Variants in PLK4 observed in about 807,000 individuals in gnomAD.
PLK4 encodes the protein polo like kinase 4.
In PLK4, 51 loss-of-function variants were observed where a neutral mutation model predicts 103.0. The ratio of observed to expected loss-of-function variants is 0.50; its 90% CI spans 0.40 to 0.63. The LOEUF is 0.63. Ranked by LOEUF, PLK4 falls within the 20% of genes least tolerant of loss-of-function variation. The pLI, the probability that PLK4 is intolerant of heterozygous loss-of-function variation, is 0.00. For synonymous variants in PLK4, 389 were observed against 376.8 expected (o/e 1.03, Z -0.38); for missense variants, 1,054 against 1,151.0 (o/e 0.92, Z 1.22).
chr4:127,884,118 C>G (rs765319639), intron 4 of PLK4, among the ~76,000 whole-genome samples: 4 of 152,176 alleles, frequency 2.6e-5, no homozygotes, highest in Non-Finnish European at 5.9e-5. Flanking sequence ...AACGTAGCCA[C>G]AAAGTCATTA....
chr4:127,894,115 C>T (rs1427200028), intron 13 of PLK4, among the ~76,000 whole-genome samples: 4 of 152,186 alleles, frequency 2.6e-5, no homozygotes, highest in African/African-American at 9.7e-5. Context: ...CTCTTTTCCC[C>T]AACCACTTAA....
At chr4:127,884,378 C>T (rs1462079371) in intron 4 of PLK4, among the ~76,000 whole-genome samples, 4 of 151,996 alleles carry the variant, frequency 2.6e-5, no homozygotes, top group Admixed American at 6.6e-5. Context: ...TTTAGAGTTA[C>T]GGAAATATTT....
At position 127,887,491 on chromosome 4, in the gene PLK4, TAAATG is replaced by T; in HGVS notation, c.1455_1459del (p.Asn486SerfsTer7). On this transcript the variant is annotated frameshift_variant and splice_region_variant, in exon 6 of 16. Coordinates refer to ENST00000270861, the MANE Select transcript of PLK4 (RefSeq NM_014264.5). LOFTEE classifies it high-confidence loss of function. ...CAACAGTGGTTTGGGAATCTGCAAA[TAAATG>T]GTGAGTTTTTAATGGAGTATTTAAT... The T allele has an allele frequency of 6.4e-7, 1 of 1,572,924 alleles. No homozygotes were observed. The highest frequency in any genetic ancestry group is 8.7e-7 in the Non-Finnish European group (1 of 1,145,154).
At chr4:127,882,698 T>C (rs1288371390) in intron 2 of PLK4, among the ~76,000 whole-genome samples, 1 of 151,846 alleles carries the variant, frequency 6.6e-6, no homozygotes, top group Non-Finnish European at 1.5e-5. Context: ...GCAGAGGTTG[T>C]GGTGAGCTGA....
chr4:127,889,683 G>A (rs138338228), intron 6 of PLK4, among the ~76,000 whole-genome samples, 183 bp from the exon 7 acceptor site: 26 of 152,250 alleles, frequency 1.7e-4, no homozygotes, highest in African/African-American at 4.8e-4. Flanking sequence ...GGTTTAAAAT[G>A]TTCTTTCAAA....
rs1036459908 is a variant in PLK4 at position 127,892,268 on chromosome 4, TG to T, written c.2039-96del. ...ACTCTTAGAAAAGAATAAGAAAACCTGTCTAATGTAACCCTATTAGAAATCA... is the reference window on the plus strand; with the variant it reads ...ACTCTTAGAAAAGAATAAGAAAACCTTCTAATGTAACCCTATTAGAAATCA... On this transcript the variant is annotated intron_variant, in intron 9 of 15. Coordinates refer to ENST00000270861, the MANE Select transcript of PLK4 (RefSeq NM_014264.5). The T allele has an allele frequency of 6.8e-6, 5 of 737,038 alleles. No individual in the cohort carries two copies. The Admixed American group carries it at 1.7e-4, about 24-fold the overall frequency. 45.7% of individuals were successfully genotyped at this position (737,038 alleles called of 1,614,324 possible).
At chr4:127,888,468 G>A (rs1735230576) in intron 6 of PLK4, among the ~76,000 whole-genome samples, 1 of 152,074 alleles carries the variant, frequency 6.6e-6, no homozygotes, top group Non-Finnish European at 1.5e-5. Flanking sequence ...CTTAACCCCT[G>A]CTCTTGCAGC....
chr4:127,885,100 A>G (rs1444382525), intron 4 of PLK4, among the ~76,000 whole-genome samples: 1 of 152,172 alleles, frequency 6.6e-6, no homozygotes, highest in Non-Finnish European at 1.5e-5. Context: ...GTTGCTAAAA[A>G]AAAAGTAGGC....
intron 2 of PLK4, 63 bp downstream of exon 2, chr4:127,881,989 T>C: frequency 2.3e-6 from 2 of 877,084 alleles, no homozygotes; most frequent in Middle Eastern, 2.4e-4. Flanking sequence ...GTATCAGAGA[T>C]GTCAGAAACT....
At chr4:127,885,298 T>C (rs1735076749) in intron 4 of PLK4, among the ~76,000 whole-genome samples, 1 of 151,592 alleles carries the variant, frequency 6.6e-6, no homozygotes, top group Non-Finnish European at 1.5e-5. Context: ...GCTAACACAG[T>C]GAAACCCTGT....
intron 2 of PLK4, among the ~76,000 whole-genome samples, chr4:127,882,945 C>A (rs746951265): frequency 2.0e-5 from 3 of 151,734 alleles, no homozygotes; most frequent in Non-Finnish European, 4.4e-5. Context: ...TTATCTAAAC[C>A]ACTTAGAAAA....
chr4:127,894,429 C>T (rs937128313), intron 13 of PLK4, among the ~76,000 whole-genome samples: 1 of 152,092 alleles, frequency 6.6e-6, no homozygotes, highest in South Asian at 2.1e-4. Flanking sequence ...GGGGTTTCAC[C>T]ATGTTAGCCA....
At position 127,883,327 on chromosome 4, in the gene PLK4, T is replaced by C. The variant is rs1441790662; in HGVS notation, c.192T>C (p.His64=). The C allele has an allele frequency of 1.9e-6, 3 of 1,601,736 alleles. No homozygotes were observed. The highest frequency in any genetic ancestry group is 2.6e-6 in the Non-Finnish European group (3 of 1,168,966). ...GAGTCCAAAATGAGGTGAAAATACA[T>C]TGCCAATTGAAACATCCTTCTATCT... ...VQRVQNEVKI[H]CQLKHPSILE... The change falls in exon 3 of 16, where the codon CAT becomes CAC. Residue 64 remains histidine (H), a synonymous_variant. Transcript: ENST00000270861.
chr4:127,885,565 G>A, intron 4 of PLK4, 143 bp from the exon 5 acceptor site: 1 of 636,640 alleles, frequency 1.6e-6, no homozygotes, highest in East Asian at 2.7e-5. Flanking sequence ...AATTGAAGTG[G>A]CTGGTAAATC....
Position 127,889,921 on chromosome 4 carries a change from G to C in PLK4, c.1515G>C (p.Gln505His). Residue 505 changes from glutamine (Q) to histidine (H), a missense_variant, in exon 7 of 16, where the codon CAG becomes CAC. Around this residue, in one of 4 missense-constraint regions of PLK4, gnomAD observed 680 missense variants for 660.3 expected, o/e 1.03. Transcript: ENST00000270861. ...YDSISPNRDFQGHPDLQKDTS... is the reference protein window; with the variant it reads ...YDSISPNRDFHGHPDLQKDTS... The stretch of plus-strand genomic sequence containing the variant: ...GCATCAGCCCAAACCGGGACTTCCA[G>C]GGCCATCCAGATTTGCAGAAGGACA... The C allele has an allele frequency of 6.2e-7, 1 of 1,613,654 alleles. No individual in the cohort carries two copies. The highest frequency in any genetic ancestry group is 8.5e-7 in the Non-Finnish European group (1 of 1,179,756).
chr4:127,881,641 G>C (rs991997958), intron 1 of PLK4, among the ~76,000 whole-genome samples, 190 bp from the exon 2 acceptor site: 61 of 152,126 alleles, frequency 4.0e-4, no homozygotes, highest in African/African-American at 1.3e-3. Flanking sequence ...AGTCCAGCCT[G>C]GAAGCGCAGG....
In PLK4 at chr4:127,890,230, G is replaced by A. The variant is rs774341651; in HGVS notation, c.1824G>A (p.Lys608=). ...AACCAATCAGACAGAAAACCAAAAAGGCTGTGGTATGTCTGTTATCTTCTT... is the reference window on the plus strand; with the variant it reads ...AACCAATCAGACAGAAAACCAAAAAAGCTGTGGTATGTCTGTTATCTTCTT... ...RLKPIRQKTK[K]AVVSILDSEE... Residue 608 remains lysine, a synonymous_variant, in exon 7 of 16, where the codon AAG becomes AAA. Coordinates refer to ENST00000270861, the MANE Select transcript of PLK4 (RefSeq NM_014264.5). The A allele has an allele frequency of 6.3e-7, 1 of 1,594,524 alleles. No individual in the cohort carries two copies. The highest frequency in any genetic ancestry group is 1.1e-5 in the South Asian group (1 of 88,716).
In PLK4 at chr4:127,883,457, G is replaced by C; in HGVS notation, c.241G>C (p.Asp81His). The C allele has an allele frequency of 1.3e-6, 2 of 1,504,706 alleles. No homozygotes were observed. The highest frequency in any genetic ancestry group is 2.3e-5 in the East Asian group (1 of 44,242). The allele number at this position is 1,504,706 out of a possible 1,614,324, so 93.2% of individuals were successfully genotyped here. ...ATTTCAGCTTTATAACTATTTTGAA[G>C]ATAGCAATTATGTGTATCTGGTATT... is the stretch of plus-strand genomic sequence containing the variant. The part of the protein sequence containing the change: ...SILELYNYFE[D>H]SNYVYLVLEM... The change falls in exon 4 of 16, where the codon GAT becomes CAT. Residue 81 changes from aspartate to histidine, a missense_variant. Asp to His is a moderately conservative substitution (Grantham distance 81). Around this residue, in one of 4 missense-constraint regions of PLK4, gnomAD observed 199 missense variants for 270.1 expected, o/e 0.74. Coordinates refer to ENST00000270861, the MANE Select transcript of PLK4 (RefSeq NM_014264.5).
At position 127,892,590 on chromosome 4, in the gene PLK4, A is replaced by G. The variant is rs576541452; in HGVS notation, c.2188+76A>G. On this transcript the variant is annotated intron_variant, in intron 10 of 15. Transcript: ENST00000270861. ...AGTTACGTATATGTGGGTTTTTAAA[A>G]TTCAACACAGTCAGTTTTAAAGATG... The G allele has an allele frequency of 2.6e-6, 3 of 1,137,990 alleles. No individual in the cohort carries two copies. In the African/African-American group the frequency reaches 4.7e-5, roughly 18 times the overall value. 70.5% of individuals were successfully genotyped at this position (1,137,990 alleles called of 1,614,324 possible). A position where few individuals can be genotyped will look rare whatever the true frequency, so the allele number is the denominator to read the frequency against.
Sources: gnomAD v4.1 joint callset for allele counts (sites outside exome capture counted in the v4.1 genomes callset) on GRCh38, gnomAD v4.1.1 for gene constraint, gnomAD v4.1.1 regional missense constraint, MANE v1.5 for transcripts, NCBI Gene and HGNC (gene_info 2026-07-23, HGNC 2026-07-21) for gene names.